The following ARMC2 variants were observed in gnomAD, a reference collection of about 807,000 sequenced individuals.
The protein encoded by ARMC2 is armadillo repeat containing 2.
A neutral mutation model predicts 90.3 loss-of-function variants in ARMC2; 67 were observed. The ratio of observed to expected loss-of-function variants is 0.74; its 90% confidence interval spans 0.61 to 0.91. ARMC2 has a LOEUF of 0.91. Among genes scored for constraint, ARMC2 ranks in the 40% least tolerant of loss-of-function variants. The pLI is 0.00. For missense variants in ARMC2, 920 were observed against 1,030.9 expected (o/e 0.89, Z 1.47); for synonymous variants, 393 against 393.0 (o/e 1.00, Z 0.00).
At chr6:108,880,075 G>A (rs1311342367) in intron 5 of ARMC2, 4 of 386,116 alleles carry the variant, frequency 1.0e-5, no homozygotes, top group African/African-American at 8.5e-5. Context: ...TCCAATGAAA[G>A]CAGCAAAGAA....
chr6:108,891,257 G>A (rs1036178940), intron 5 of ARMC2, among the ~76,000 whole-genome samples: 5 of 152,194 alleles, frequency 3.3e-5, no homozygotes, highest in African/African-American at 9.7e-5. Flanking sequence ...AATCCTTTGG[G>A]TATATACCCA....
chr6:109,033,612 A>AC, the ARMC2 span, among the ~76,000 whole-genome samples: 32 of 152,230 alleles, frequency 2.1e-4, no homozygotes, highest in African/African-American at 7.5e-4. Context: ...CTAGATTGCA[A>AC]CCCCAGCACA....
chr6:108,862,958 G>A (rs1356037249), intron 3 of ARMC2, among the ~76,000 whole-genome samples: 2 of 152,066 alleles, frequency 1.3e-5, no homozygotes, highest in Non-Finnish European at 2.9e-5. Context: ...ATCCTATCTG[G>A]CATGTGCTCC....
intron 12 of ARMC2, among the ~76,000 whole-genome samples, chr6:108,941,716 T>C (rs1205680336): frequency 1.3e-5 from 2 of 152,214 alleles, no homozygotes; most frequent in Admixed American, 1.3e-4. Flanking sequence ...GTTCTTCAGT[T>C]GTGCTTGGAA....
chr6:109,038,678 A>T, the ARMC2 span, among the ~76,000 whole-genome samples: 6 of 152,340 alleles, frequency 3.9e-5, no homozygotes, highest in South Asian at 4.1e-4. Context: ...AGAATTGCCT[A>T]TGCAATTTAT....
chr6:108,988,439 G>T, the ARMC2 span: 5 of 1,005,528 alleles, frequency 5.0e-6, no homozygotes, highest in East Asian at 8.0e-5. Context: ...TTTTCTTTGG[G>T]TTGGTAGGGG....
At chr6:108,984,817 A>G in the ARMC2 span, among the ~76,000 whole-genome samples, 1 of 152,288 alleles carries the variant, frequency 6.6e-6, no homozygotes, top group African/African-American at 2.4e-5. Flanking sequence ...GCTGGGGAAG[A>G]GCTAGGGTGA....
chr6:108,992,394 G>C, the ARMC2 span, among the ~76,000 whole-genome samples: 4 of 152,276 alleles, frequency 2.6e-5, no homozygotes, highest in African/African-American at 9.6e-5. Context: ...TGGGATCACA[G>C]GCGGGAGCCA....
Position 108,912,442 on chromosome 6 carries a change from A to C in ARMC2, c.1234A>C (p.Asn412His), listed in dbSNP as rs376399813. Reference protein sequence around the residue: ...KFISGNLGFLNEMISKGAVEI... With the variant: ...KFISGNLGFLHEMISKGAVEI... ...CATTTCTGGAAATCTGGGATTTCTTAATGAAATGATCAGCAAAGGTGCTGT... is the reference window on the plus strand; with the variant it reads ...CATTTCTGGAAATCTGGGATTTCTTCATGAAATGATCAGCAAAGGTGCTGT... The change falls in exon 10 of 18, where the codon AAT (asparagine) becomes CAT (histidine). Residue 412 changes from asparagine to histidine, a missense_variant. By Grantham distance (68) the Asn-to-His change is moderately conservative. Coordinates refer to ENST00000392644, the MANE Select transcript of ARMC2 (RefSeq NM_032131.6). The C allele has an allele frequency of 1.7e-5, 27 of 1,613,614 alleles. No homozygotes were observed. Among genetic ancestry groups the C allele is most frequent in the Non-Finnish European group, 2.0e-5 (24 of 1,179,612 alleles).
At chr6:109,031,045 T>C in the ARMC2 span, among the ~76,000 whole-genome samples, 1 of 152,172 alleles carries the variant, frequency 6.6e-6, no homozygotes, top group Non-Finnish European at 1.5e-5. Flanking sequence ...TGTAATTTTG[T>C]ATTAAATTAT....
chr6:109,049,041 A>G, the ARMC2 span, among the ~76,000 whole-genome samples: 1 of 152,172 alleles, frequency 6.6e-6, no homozygotes, highest in Non-Finnish European at 1.5e-5. Context: ...TTCAACAAAC[A>G]CCTGTAGAAC....
At chr6:108,961,752 T>G in intron 14 of ARMC2, 58 bp downstream of exon 14, 1 of 1,511,996 alleles carries the variant, frequency 6.6e-7, no homozygotes, top group South Asian at 1.3e-5. Flanking sequence ...TCGATTTTAT[T>G]AACTAAACAC....
intron 12 of ARMC2, among the ~76,000 whole-genome samples, chr6:108,947,254 G>GA (rs1186657213): frequency 6.6e-6 from 1 of 152,092 alleles, no homozygotes; most frequent in African/African-American, 2.4e-5. Flanking sequence ...GGGGCTGGGG[G>GA]ACTGGGAAGA....
rs1394260949 is a variant in ARMC2, at chr6:108,858,232, C to G, written c.252C>G (p.Ser84=). ...CATCCAGTTTTGAGTCATCTGATTC[C>G]AGGCCTATCTCTGGCACACGTCTTA... ...LHASSFESSD[S]RPISGTRLSP... The change falls in exon 3 of 18, where the codon TCC becomes TCG. Residue 84 remains serine (S), a synonymous_variant. Coordinates refer to ENST00000392644, the MANE Select transcript of ARMC2 (RefSeq NM_032131.6). 1 of 1,611,200 alleles carries G rather than the reference C, an allele frequency of 6.2e-7. No individual in the cohort carries two copies.
At chr6:109,042,301 A>G in the ARMC2 span, among the ~76,000 whole-genome samples, 1 of 152,004 alleles carries the variant, frequency 6.6e-6, no homozygotes, top group Non-Finnish European at 1.5e-5. Flanking sequence ...AGCCTAGGGA[A>G]AGAAGAGCAG....
At chr6:108,899,256 C>T (rs1174272148) in intron 6 of ARMC2, among the ~76,000 whole-genome samples, 3 of 152,162 alleles carry the variant, frequency 2.0e-5, no homozygotes, top group African/African-American at 7.2e-5. Flanking sequence ...TTAGTGTAGA[C>T]ATTTTATTTC....
chr6:108,930,010 C>T (rs1291426296), intron 11 of ARMC2, among the ~76,000 whole-genome samples: 1 of 151,738 alleles, frequency 6.6e-6, no homozygotes, highest in Non-Finnish European at 1.5e-5. Flanking sequence ...GACTGTAGTC[C>T]CAGCTACTTG....
chr6:108,939,189 C>G (rs1207050704), intron 12 of ARMC2, among the ~76,000 whole-genome samples: 1 of 152,128 alleles, frequency 6.6e-6, no homozygotes, highest in Non-Finnish European at 1.5e-5. Flanking sequence ...TCACGTTAGA[C>G]CAATGGTTAT....
chr6:108,936,920 ACTG>A lies in ARMC2; in HGVS notation c.1522_1524del (p.Cys508del), dbSNP rs768166061. ...TGCAGCAAACTTACTTCTTACCGTG[ACTG>A]CTGCACAGCCTTGGCCAGCTATTCC... is the stretch of plus-strand genomic sequence containing the variant. On this transcript the variant is annotated inframe_deletion, in exon 12 of 18. Transcript: ENST00000392644. The A allele has an allele frequency of 6.2e-7, 1 of 1,601,170 alleles. No homozygotes were observed.
Sources: allele counts gnomAD v4.1 joint callset (sites outside exome capture counted in the v4.1 genomes callset), GRCh38; gene constraint gnomAD v4.1.1; transcripts MANE v1.5; gene names NCBI Gene and HGNC (gene_info 2026-07-23, HGNC 2026-07-21).